The following PCDHB15 variants were observed in gnomAD, a reference collection of about 807,000 sequenced individuals.
The protein encoded by PCDHB15 is protocadherin beta 15, also known as protocadherin beta-15.
For synonymous variants in PCDHB15, 492 were observed against 447.9 expected (o/e 1.10, Z -1.24); for missense variants, 1,032 against 991.7 (o/e 1.04, Z -0.55).
In PCDHB15 at chr5:141,245,862, T is replaced by G. The variant is rs782780875; in HGVS notation, c.284T>G (p.Leu95Arg). 18 of 1,614,082 alleles carry G rather than the reference T, an allele frequency of 1.1e-5. No individual in the cohort carries two copies. The highest frequency in any genetic ancestry group is 1.4e-5 in the Non-Finnish European group (17 of 1,180,044). The change falls in exon 1 of 1, where the codon CTG becomes CGG. Residue 95 changes from leucine to arginine, a missense_variant. Leu to Arg is a moderately radical substitution (Grantham distance 102). Coordinates refer to ENST00000231173, the MANE Select transcript of PCDHB15 (RefSeq NM_018935.4). Reference protein sequence around the residue: ...ILNEKLDREKLCGPTEPCIMH... With the variant: ...ILNEKLDREKRCGPTEPCIMH... ...AATGAGAAGCTGGACCGGGAGAAGC[T>G]GTGTGGCCCTACTGAGCCCTGTATA...
chr5:141,248,292 T>TC lies in PCDHB15; in HGVS notation c.*350_*351insC, dbSNP rs569659508. ...ATGTATGATTTTTGAAGTCATATTT[T>TC]AAGTTTTTTTTATAGTTTTTCTTAT... On this transcript the variant is annotated 3_prime_UTR_variant, in exon 1 of 1. Coordinates refer to ENST00000231173, the MANE Select transcript of PCDHB15 (RefSeq NM_018935.4). 150 of 172,324 alleles carry TC rather than the reference T, an allele frequency of 8.7e-4. 6 individuals carry two copies. The South Asian group carries it at 0.029, about 33-fold the overall frequency. The allele number at this position is 172,324 out of a possible 1,614,324, so 10.7% of individuals were successfully genotyped here. A position where few individuals can be genotyped will look rare whatever the true frequency, so the allele number is the denominator to read the frequency against.
rs1554291993 is a variant in PCDHB15 at position 141,246,705 on chromosome 5, G to A, written c.1127G>A (p.Gly376Glu). Residue 376 changes from glycine to glutamate, a missense_variant, in exon 1 of 1, where the codon GGG becomes GAG. Transcript: ENST00000231173. Reference sequence around the variant, plus strand: ...TTTAGGATTAGAGACCGAGACTCTGGGGAAAATGGAAAAATGATTTGCTCA... The same window carrying A: ...TTTAGGATTAGAGACCGAGACTCTGAGGAAAATGGAAAAATGATTTGCTCA... ...ALFRIRDRDS[G>E]ENGKMICSIQ... 3 of 1,613,952 alleles carry A rather than the reference G, an allele frequency of 1.9e-6. No homozygotes were observed. The highest frequency in any genetic ancestry group is 1.7e-5 in the Admixed American group (1 of 59,994).
At position 141,248,924 on chromosome 5, in the gene PCDHB15, A is replaced by G. The variant is rs1344294377; in HGVS notation, c.*982A>G. On this transcript the variant is annotated 3_prime_UTR_variant, in exon 1 of 1. Transcript: ENST00000231173. Reference sequence around the variant, plus strand: ...GTTGGTGAAGGAGTTGAATTATTTGAGGAAAAAACATCTGCTCTCTTGTCA... The same window carrying G: ...GTTGGTGAAGGAGTTGAATTATTTGGGGAAAAAACATCTGCTCTCTTGTCA... 6 of 152,206 alleles carry G rather than the reference A, an allele frequency of 3.9e-5. No homozygotes were observed. The highest frequency in any genetic ancestry group is 7.3e-5 in the Non-Finnish European group (5 of 68,034). 9.4% of individuals were successfully genotyped at this position (152,206 alleles called of 1,614,324 possible).
In PCDHB15 at chr5:141,248,053, T is replaced by A; in HGVS notation, c.*111T>A. 9.6e-7 allele frequency: 1 copy of A among 1,046,720 alleles called. No homozygotes were observed. Among genetic ancestry groups the A allele is most frequent in the Non-Finnish European group, 1.3e-6 (1 of 743,594 alleles). The allele number at this position is 1,046,720 out of a possible 1,614,324, so 64.8% of individuals were successfully genotyped here. On this transcript the variant is annotated 3_prime_UTR_variant, in exon 1 of 1. Coordinates refer to ENST00000231173, the MANE Select transcript of PCDHB15 (RefSeq NM_018935.4). ...TGAATTCTACTTTTTTTTAAATTTC[T>A]ACTGTTGTCTTTAGTAATGTTACTC... is the stretch of plus-strand genomic sequence containing the variant.
At position 141,246,394 on chromosome 5, in the gene PCDHB15, G is replaced by T. The variant is rs915082375; in HGVS notation, c.816G>T (p.Gly272=). The T allele has an allele frequency of 6.2e-7, 1 of 1,614,090 alleles. No individual in the cohort carries two copies. Among genetic ancestry groups the T allele is most frequent in the South Asian group, 1.1e-5 (1 of 91,080 alleles). The change falls in exon 1 of 1, where the codon GGG becomes GGT. Residue 272 remains glycine, a synonymous_variant. Transcript: ENST00000231173. ...TCTCTGCTAGGGATTTAGACACTGG[G>T]ACAAATGGAGAGATATCATACTCCC... The part of the protein sequence containing the change: ...VKVSARDLDT[G]TNGEISYSLY...
chr5:141,247,768 C>A lies in PCDHB15; in HGVS notation c.2190C>A (p.Gly730=). The change falls in exon 1 of 1, where the codon GGC becomes GGA. Residue 730 remains glycine (G), a synonymous_variant. Transcript: ENST00000231173. ...ASVGRCSVPE[G]PFPGHLVDVS... is the part of the protein sequence containing the mutation. The stretch of plus-strand genomic sequence containing the variant: ...TGGGTCGCTGCTCGGTGCCCGAGGG[C>A]CCCTTTCCAGGGCATCTGGTGGACG... 6 of 1,614,176 alleles carry A rather than the reference C, an allele frequency of 3.7e-6. No individual in the cohort carries two copies. The highest frequency in any genetic ancestry group is 1.1e-5 in the South Asian group (1 of 91,076).
rs370940630 is a variant in PCDHB15, at chr5:141,247,591, G to A, written c.2013G>A (p.Leu671=). 6 of 1,609,934 alleles carry A rather than the reference G, an allele frequency of 3.7e-6. No individual in the cohort carries two copies. The African/African-American group carries it at 6.7e-5, about 18-fold the overall frequency. ...LLVDGFSQPY[L]PLPEAAPAQA... is the part of the protein sequence containing the mutation. ...TGGACGGCTTCTCTCAGCCCTACCT[G>A]CCGCTCCCAGAGGCGGCCCCGGCCC... The change falls in exon 1 of 1, where the codon CTG becomes CTA. Residue 671 remains leucine, a synonymous_variant. Coordinates refer to ENST00000231173, the MANE Select transcript of PCDHB15 (RefSeq NM_018935.4).
rs1307627013 is a variant in PCDHB15 at position 141,248,038 on chromosome 5, T to C, written c.*96T>C. Reference sequence around the variant, plus strand: ...ACCCTTTAGTAATCTTGAATTCTACTTTTTTTTAAATTTCTACTGTTGTCT... The same window carrying C: ...ACCCTTTAGTAATCTTGAATTCTACCTTTTTTTAAATTTCTACTGTTGTCT... On this transcript the variant is annotated 3_prime_UTR_variant, in exon 1 of 1. Transcript: ENST00000231173. The C allele has an allele frequency of 8.5e-6, 10 of 1,172,232 alleles. No individual in the cohort carries two copies. In the Admixed American group the frequency reaches 3.1e-4, roughly 36 times the overall value. The allele number at this position is 1,172,232 out of a possible 1,614,324, so 72.6% of individuals were successfully genotyped here.
At position 141,247,681 on chromosome 5, in the gene PCDHB15, C is replaced by A. The variant is rs782652768; in HGVS notation, c.2103C>A (p.Phe701Leu). 5.0e-5 allele frequency: 80 copies of A among 1,610,852 alleles called. No homozygotes were observed. Among genetic ancestry groups the A allele is most frequent in the Admixed American group, 2.3e-4 (14 of 60,008 alleles). ...VVALASVSSLFLFSVFLFVAV... is the reference protein window; with the variant it reads ...VVALASVSSLLLFSVFLFVAV... ...CATTGGCCTCGGTGTCTTCGCTCTTCCTCTTCTCGGTGTTCCTGTTCGTGG... is the reference window on the plus strand; with the variant it reads ...CATTGGCCTCGGTGTCTTCGCTCTTACTCTTCTCGGTGTTCCTGTTCGTGG... The change falls in exon 1 of 1, where the codon TTC (phenylalanine) becomes TTA (leucine). Residue 701 changes from phenylalanine (F) to leucine (L), a missense_variant. By Grantham distance (22) the Phe-to-Leu change is conservative. Coordinates refer to ENST00000231173, the MANE Select transcript of PCDHB15 (RefSeq NM_018935.4).
At position 141,247,403 on chromosome 5, in the gene PCDHB15, G is replaced by A; in HGVS notation, c.1825G>A (p.Ala609Thr). ...NAWLSYQLLK[A>T]TEPGLFGVWA... ...CTGGCTGTCGTACCAGCTGCTCAAG[G>A]CCACGGAGCCCGGGCTGTTCGGCGT... Residue 609 changes from alanine (A) to threonine (T), a missense_variant, in exon 1 of 1, where the codon GCC becomes ACC. Transcript: ENST00000231173. The A allele has an allele frequency of 6.2e-7, 1 of 1,605,508 alleles. No individual in the cohort carries two copies. The highest frequency in any genetic ancestry group is 8.5e-7 in the Non-Finnish European group (1 of 1,179,294).
rs782257877 is a variant in PCDHB15, at chr5:141,245,563, G to A, written c.-16G>A. 4 of 1,610,036 alleles carry A rather than the reference G, an allele frequency of 2.5e-6. No homozygotes were observed. The Admixed American group carries it at 6.7e-5, about 27-fold the overall frequency. On this transcript the variant is annotated 5_prime_UTR_variant, in exon 1 of 1. In the 5' UTR this introduces an upstream ATG that the reference lacks. Coordinates refer to ENST00000231173, the MANE Select transcript of PCDHB15 (RefSeq NM_018935.4). ...CTGACTCCGGTTCCTTGAAAGGGGC[G>A]TGTACAGAAGTAAAGATGGAGCCTG...
chr5:141,246,125 C>A lies in PCDHB15; in HGVS notation c.547C>A (p.Arg183Ser). 1 of 1,614,168 alleles carries A rather than the reference C, an allele frequency of 6.2e-7. No homozygotes were observed. The highest frequency in any genetic ancestry group is 8.5e-7 in the Non-Finnish European group (1 of 1,180,036). The change falls in exon 1 of 1, where the codon CGC (arginine) becomes AGC (serine). Residue 183 changes from arginine (R) to serine (S), a missense_variant. By Grantham distance (110) the Arg-to-Ser change is moderately radical. Coordinates refer to ENST00000231173, the MANE Select transcript of PCDHB15 (RefSeq NM_018935.4). ...CAATTCTCATTTCCATGTTTCCACT[C>A]GCACCCGAGGGGATGGCAGGAAATA... ...SPNSHFHVST[R>S]TRGDGRKYPE...
In PCDHB15 at chr5:141,246,702, C is replaced by A. The variant is rs782229056; in HGVS notation, c.1124C>A (p.Ser375Tyr). 2.5e-6 allele frequency: 4 copies of A among 1,614,128 alleles called. No individual in the cohort carries two copies. The highest frequency in any genetic ancestry group is 1.1e-5 in the South Asian group (1 of 91,078). ...CTGTTTAGGATTAGAGACCGAGACTCTGGGGAAAATGGAAAAATGATTTGC... is the reference window on the plus strand; with the variant it reads ...CTGTTTAGGATTAGAGACCGAGACTATGGGGAAAATGGAAAAATGATTTGC... Reference protein sequence around the residue: ...VALFRIRDRDSGENGKMICSI... With the variant: ...VALFRIRDRDYGENGKMICSI... The change falls in exon 1 of 1, where the codon TCT (serine) becomes TAT (tyrosine). Residue 375 changes from serine to tyrosine, a missense_variant. Physicochemically the swap from Ser to Tyr is moderately radical, Grantham distance 144. Coordinates refer to ENST00000231173, the MANE Select transcript of PCDHB15 (RefSeq NM_018935.4).
chr5:141,247,109 G>C lies in PCDHB15; in HGVS notation c.1531G>C (p.Gly511Arg), dbSNP rs143133095. 3.2e-5 allele frequency: 51 copies of C among 1,613,842 alleles called. 1 individual carries two copies. The highest frequency in any genetic ancestry group is 1.3e-4 in the African/African-American group (10 of 74,920). ...CCTGGTCTCCATTAACACGGACAAC[G>C]GCCACCTGTTCGCTCTCCAGTCGCT... ...TSLVSINTDNGHLFALQSLDY... is the reference protein window; with the variant it reads ...TSLVSINTDNRHLFALQSLDY... Residue 511 changes from glycine (G) to arginine (R), a missense_variant, in exon 1 of 1, where the codon GGC becomes CGC. Transcript: ENST00000231173.
At position 141,247,117 on chromosome 5, in the gene PCDHB15, G is replaced by T; in HGVS notation, c.1539G>T (p.Leu513=). 6.2e-7 allele frequency: 1 copy of T among 1,613,974 alleles called. No homozygotes were observed. The highest frequency in any genetic ancestry group is 1.3e-5 in the African/African-American group (1 of 75,058). Residue 513 remains leucine (L), a synonymous_variant, in exon 1 of 1, where the codon CTG becomes CTT. Coordinates refer to ENST00000231173, the MANE Select transcript of PCDHB15 (RefSeq NM_018935.4). The part of the protein sequence containing the change: ...LVSINTDNGH[L]FALQSLDYEA... ...CCATTAACACGGACAACGGCCACCT[G>T]TTCGCTCTCCAGTCGCTGGACTACG...
At position 141,247,687 on chromosome 5, in the gene PCDHB15, C is replaced by T. The variant is rs782370074; in HGVS notation, c.2109C>T (p.Phe703=). Residue 703 remains phenylalanine (F), a synonymous_variant, in exon 1 of 1, where the codon TTC becomes TTT. Transcript: ENST00000231173. ...ALASVSSLFL[F]SVFLFVAVRL... is the part of the protein sequence containing the mutation. Reference sequence around the variant, plus strand: ...CCTCGGTGTCTTCGCTCTTCCTCTTCTCGGTGTTCCTGTTCGTGGCAGTGC... The same window carrying T: ...CCTCGGTGTCTTCGCTCTTCCTCTTTTCGGTGTTCCTGTTCGTGGCAGTGC... 2.5e-6 allele frequency: 4 copies of T among 1,611,174 alleles called. No individual in the cohort carries two copies. The highest frequency in any genetic ancestry group is 2.5e-6 in the Non-Finnish European group (3 of 1,179,920).
Position 141,246,028 on chromosome 5 carries a change from T to C in PCDHB15, c.450T>C (p.Thr150=), listed in dbSNP as rs782581274. 1.8e-5 allele frequency: 29 copies of C among 1,614,030 alleles called. No individual in the cohort carries two copies. The South Asian group carries it at 3.1e-4, about 17-fold the overall frequency. Residue 150 remains threonine (T), a synonymous_variant, in exon 1 of 1, where the codon ACT becomes ACC. Coordinates refer to ENST00000231173, the MANE Select transcript of PCDHB15 (RefSeq NM_018935.4). The stretch of plus-strand genomic sequence containing the variant: ...TCCCAGAAACTAGCTCCCTTGGGAC[T>C]GTGTTTCCTCTGAAAAAAGCTCGGG... ...LKIPETSSLG[T]VFPLKKARDL... is the part of the protein sequence containing the mutation.
rs1554292130 is a variant in PCDHB15, at chr5:141,247,197, C to A, written c.1619C>A (p.Ala540Glu). Residue 540 changes from alanine to glutamate, a missense_variant, in exon 1 of 1, where the codon GCG (alanine) becomes GAG (glutamate). Ala to Glu is a moderately radical substitution (Grantham distance 107, BLOSUM62 -1). Transcript: ENST00000231173. ...GGCGCCACAGACCGCGGCTTCCCGG[C>A]GCTGAGCAGCGAGGCGCTGGTGCGA... ...RVGATDRGFPALSSEALVRVL... is the reference protein window; with the variant it reads ...RVGATDRGFPELSSEALVRVL... 2 of 1,612,694 alleles carry A rather than the reference C, an allele frequency of 1.2e-6. No homozygotes were observed. The highest frequency in any genetic ancestry group is 2.2e-5 in the East Asian group (1 of 44,866).
In PCDHB15 at chr5:141,246,323, G is replaced by A. The variant is rs1755259714; in HGVS notation, c.745G>A (p.Val249Met). Residue 249 changes from valine to methionine, a missense_variant, in exon 1 of 1, where the codon GTG (valine) becomes ATG (methionine). By Grantham distance (21) the Val-to-Met change is conservative. Coordinates refer to ENST00000231173, the MANE Select transcript of PCDHB15 (RefSeq NM_018935.4). ...GGAGTTTGTGCAGGCGCTCTACGAG[G>A]TGCAGGTCCCAGAGAACAGCCCAGT... Reference protein sequence around the residue: ...APEFVQALYEVQVPENSPVGS... With the variant: ...APEFVQALYEMQVPENSPVGS... 8.1e-6 allele frequency: 13 copies of A among 1,614,096 alleles called. No homozygotes were observed. The highest frequency in any genetic ancestry group is 1.3e-5 in the African/African-American group (1 of 75,030).
Sources: allele counts gnomAD v4.1 joint callset, GRCh38; gene constraint gnomAD v4.1.1; transcripts MANE v1.5; gene names NCBI Gene and HGNC (gene_info 2026-07-23, HGNC 2026-07-21).